The following CNTLN variants were observed in gnomAD, a reference collection of about 807,000 sequenced individuals.
The protein encoded by CNTLN is centlein, centrosomal protein.
A neutral mutation model predicts 180.0 loss-of-function variants in CNTLN; 212 were observed. That is an observed-to-expected ratio of 1.18 (90% CI 1.05 to 1.32). The LOEUF (loss-of-function observed/expected upper bound fraction) is 1.32, where lower values mean the gene tolerates loss of function less well. CNTLN is among the 40% of genes most tolerant of loss of function. CNTLN has a pLI of 0.00. For synonymous variants in CNTLN, 722 were observed against 563.1 expected (o/e 1.28, Z -3.99); for missense variants, 2,095 against 1,610.9 (o/e 1.30, Z -5.14).
chr9:17,150,655 A>G (rs957819245), intron 2 of CNTLN, among the ~76,000 whole-genome samples: 10 of 152,112 alleles, frequency 6.6e-5, no homozygotes, highest in African/African-American at 2.4e-4. Flanking sequence ...TTCCATATGA[A>G]CTTTAAAGTA....
intron 5 of CNTLN, among the ~76,000 whole-genome samples, chr9:17,250,380 G>C (rs1271315520): frequency 6.6e-6 from 1 of 151,764 alleles, no homozygotes; most frequent in Non-Finnish European, 1.5e-5. Flanking sequence ...TTATTAATGA[G>C]GAAGAACTAA....
At chr9:17,274,893 A>G (rs915971196) in intron 6 of CNTLN, among the ~76,000 whole-genome samples, 6 of 152,116 alleles carry the variant, frequency 3.9e-5, no homozygotes, top group African/African-American at 1.4e-4. Flanking sequence ...AGTTTGGATG[A>G]AAACTGTTTA....
At chr9:17,270,081 A>T (rs1827821476) in intron 5 of CNTLN, among the ~76,000 whole-genome samples, 1 of 152,052 alleles carries the variant, frequency 6.6e-6, no homozygotes, top group Admixed American at 6.5e-5. Flanking sequence ...ATTGGCTGCT[A>T]ATAAGAATGG....
At chr9:17,363,538 T>G (rs1194227667) in intron 12 of CNTLN, among the ~76,000 whole-genome samples, 2 of 151,588 alleles carry the variant, frequency 1.3e-5, no homozygotes, top group East Asian at 3.9e-4. Context: ...TAATTTTTAT[T>G]TTTTATATTT....
chr9:17,174,711 A>AAAAAG (rs1174225322), intron 2 of CNTLN, among the ~76,000 whole-genome samples: 1 of 152,022 alleles, frequency 6.6e-6, no homozygotes, highest in Admixed American at 6.5e-5. Flanking sequence ...AAAAAAAAAA[A>AAAAAG]AAAGAAAGAA....
intron 2 of CNTLN, among the ~76,000 whole-genome samples, chr9:17,202,587 CT>C (rs1447320915): frequency 4.5e-5 from 6 of 133,048 alleles, no homozygotes; most frequent in African/African-American, 1.7e-4. Context: ...CCTTCTTTGT[CT>C]TTTTTGATCT....
chr9:17,439,660 A>G (rs1277867098), intron 18 of CNTLN, among the ~76,000 whole-genome samples: 1 of 152,230 alleles, frequency 6.6e-6, no homozygotes, highest in African/African-American at 2.4e-5. Flanking sequence ...GAATAAACCC[A>G]GTGTTGTAGA....
At chr9:17,359,550 G>C (rs1823127556) in intron 12 of CNTLN, among the ~76,000 whole-genome samples, 1 of 150,972 alleles carries the variant, frequency 6.6e-6, no homozygotes, top group Admixed American at 6.6e-5. Context: ...CAACCCAATA[G>C]AAAAATGAGC....
chr9:17,206,770 G>A (rs950960193), intron 2 of CNTLN, among the ~76,000 whole-genome samples: 11 of 152,164 alleles, frequency 7.2e-5, no homozygotes, highest in Non-Finnish European at 1.3e-4. Context: ...CCCTTTAGGC[G>A]TTCATCCAGT....
chr9:17,219,403 T>C (rs947757352), intron 2 of CNTLN, among the ~76,000 whole-genome samples: 15 of 152,008 alleles, frequency 9.9e-5, no homozygotes, highest in African/African-American at 2.7e-4. Flanking sequence ...TACAGCACCA[T>C]TTTATCTTGG....
chr9:17,310,505 C>T (rs1320886930), intron 8 of CNTLN, among the ~76,000 whole-genome samples: 1 of 152,078 alleles, frequency 6.6e-6, no homozygotes, highest in Non-Finnish European at 1.5e-5. Context: ...TCCATTTTTA[C>T]TGTTATGGGT....
At chr9:17,371,782 G>A (rs570907361) in intron 13 of CNTLN, among the ~76,000 whole-genome samples, 5 of 152,144 alleles carry the variant, frequency 3.3e-5, no homozygotes, top group African/African-American at 9.6e-5. Context: ...GACAACAATG[G>A]AATAGCACTA....
intron 1 of CNTLN, among the ~76,000 whole-genome samples, chr9:17,136,627 T>G (rs565296599): frequency 1.2e-3 from 176 of 152,178 alleles, no homozygotes; most frequent in Non-Finnish European, 2.1e-3. Context: ...TCTCATAGTT[T>G]GTTCTGTTGG....
At chr9:17,258,494 G>A (rs1826688902) in intron 5 of CNTLN, among the ~76,000 whole-genome samples, 1 of 151,352 alleles carries the variant, frequency 6.6e-6, no homozygotes, top group South Asian at 2.1e-4. Context: ...CTTTAAAGTA[G>A]TTTTTTCCAA....
chr9:17,459,938 A>G (rs973851325), intron 19 of CNTLN, among the ~76,000 whole-genome samples: 2 of 151,760 alleles, frequency 1.3e-5, no homozygotes, highest in African/African-American at 4.8e-5. Flanking sequence ...GTTTAGGGGA[A>G]ACAGAATTTA....
chr9:17,156,891 T>C (rs1192410657), intron 2 of CNTLN, among the ~76,000 whole-genome samples: 3 of 152,202 alleles, frequency 2.0e-5, no homozygotes, highest in Non-Finnish European at 2.9e-5. Context: ...ACTTAATCCT[T>C]TGGGAAGCAA....
At chr9:17,381,955 T>C (rs1405264580) in intron 13 of CNTLN, among the ~76,000 whole-genome samples, 1 of 152,168 alleles carries the variant, frequency 6.6e-6, no homozygotes, top group African/African-American at 2.4e-5. Flanking sequence ...TATACCCATG[T>C]TTCCCTAGTC....
chr9:17,507,747 A>G (rs1403912401), downstream of CNTLN, among the ~76,000 whole-genome samples: 1 of 152,180 alleles, frequency 6.6e-6, no homozygotes. Context: ...GACATATTTG[A>G]TCAGAAATTT....
At chr9:17,329,831 T>G (rs1820529188) in intron 8 of CNTLN, among the ~76,000 whole-genome samples, 4 of 151,592 alleles carry the variant, frequency 2.6e-5, no homozygotes, top group African/African-American at 4.8e-5. Flanking sequence ...TTATTGATAA[T>G]GTTAGAATCA....
Sources: gnomAD v4.1 joint callset for allele counts (sites outside exome capture counted in the v4.1 genomes callset) on GRCh38, gnomAD v4.1.1 for gene constraint, MANE v1.5 for transcripts, NCBI Gene and HGNC (gene_info 2026-07-23, HGNC 2026-07-21) for gene names.